The following RTL4 variants were observed in gnomAD, a reference collection of about 807,000 sequenced individuals.
The protein encoded by RTL4 is retrotransposon Gag-like protein 4.
RTL4 carries 4 observed loss-of-function variants against 5.3 expected under a neutral mutation model. The ratio of observed to expected loss-of-function variants is 0.75; its 90% confidence interval spans 0.37 to 1.72. The LOEUF is 1.72. Among genes scored for constraint, RTL4 ranks in the 40% most tolerant of loss-of-function variants. The probability of loss-of-function intolerance (pLI) is 0.04; values close to 1 mark genes in which losing one functional copy is unlikely to be tolerated. For missense variants in RTL4, 260 were observed against 227.1 expected, an observed-to-expected ratio of 1.14 and a Z score of -0.93; for synonymous variants, 98 against 87.3, an observed-to-expected ratio of 1.12 and a Z score of -0.68.
the RTL4 span, among the ~76,000 whole-genome samples, chrX:112,327,265 T>G: frequency 3.6e-5 from 4 of 111,093 alleles, no homozygotes; most frequent in Admixed American, 3.8e-4. Context: ...TGAAAAAAAT[T>G]TGGAAGAATG....
At chrX:112,389,655 T>C in the RTL4 span, among the ~76,000 whole-genome samples, 1 of 111,593 alleles carries the variant, frequency 9.0e-6, no homozygotes, top group African/African-American at 3.3e-5. Context: ...ATTTCATTAT[T>C]TACCTAAAAG....
At chrX:112,241,215 G>A in the RTL4 span, among the ~76,000 whole-genome samples, 2 of 110,840 alleles carry the variant, frequency 1.8e-5, no homozygotes, top group Admixed American at 1.9e-4. Flanking sequence ...CCCATTAATG[G>A]GATCACTGGG....
At chrX:112,379,301 G>T in the RTL4 span, among the ~76,000 whole-genome samples, 1 of 111,996 alleles carries the variant, frequency 8.9e-6, no homozygotes, top group Admixed American at 9.4e-5. Context: ...ACTGTATTGT[G>T]TTGAAACCCT....
chrX:112,173,610 G>C, the RTL4 span, among the ~76,000 whole-genome samples: 1 of 110,959 alleles, frequency 9.0e-6, no homozygotes, highest in Non-Finnish European at 1.9e-5. Context: ...GTTAAAAAAA[G>C]AGTTGTTATG....
the RTL4 span, among the ~76,000 whole-genome samples, chrX:112,260,194 TC>T: frequency 1.8e-5 from 2 of 111,471 alleles, no homozygotes; most frequent in Non-Finnish European, 3.8e-5. Flanking sequence ...ATCTAACTCA[TC>T]CATGCATATC....
the RTL4 span, among the ~76,000 whole-genome samples, chrX:112,087,069 T>C: frequency 4.5e-5 from 5 of 111,438 alleles, no homozygotes; most frequent in Non-Finnish European, 9.4e-5. Flanking sequence ...AAAGTGTAAT[T>C]GCAGAATCAT....
chrX:112,158,322 G>C, the RTL4 span, among the ~76,000 whole-genome samples: 4 of 111,205 alleles, frequency 3.6e-5, no homozygotes, highest in Non-Finnish European at 7.5e-5. Flanking sequence ...TTTTTACTGT[G>C]TAAAATGTAG....
At chrX:112,429,851 C>T in the RTL4 span, among the ~76,000 whole-genome samples, 1 of 110,861 alleles carries the variant, frequency 9.0e-6, no homozygotes. Context: ...CTGTTAACAT[C>T]TTAACTATTT....
the RTL4 span, among the ~76,000 whole-genome samples, chrX:112,335,611 T>C: frequency 9.0e-6 from 1 of 110,750 alleles, no homozygotes; most frequent in Non-Finnish European, 1.9e-5. Flanking sequence ...AGTATTCTCA[T>C]TTCCATAACT....
the RTL4 span, among the ~76,000 whole-genome samples, chrX:112,155,063 T>C: frequency 1.8e-5 from 2 of 110,864 alleles, no homozygotes; most frequent in African/African-American, 6.6e-5. Context: ...TTCAAGAAGA[T>C]GTCATCAATG....
At chrX:112,199,790 A>T in the RTL4 span, among the ~76,000 whole-genome samples, 1 of 111,997 alleles carries the variant, frequency 8.9e-6, no homozygotes, top group Non-Finnish European at 1.9e-5. Flanking sequence ...ATCAATAATG[A>T]TAGATACTTT....
chrX:112,245,755 A>G, the RTL4 span, among the ~76,000 whole-genome samples: 9 of 112,340 alleles, frequency 8.0e-5, no homozygotes, highest in South Asian at 2.6e-3. Context: ...AAGAGCTGCA[A>G]TCCTTTGGAA....
At chrX:112,098,850 G>C in the RTL4 span, among the ~76,000 whole-genome samples, 4 of 111,876 alleles carry the variant, frequency 3.6e-5, no homozygotes, top group Admixed American at 1.9e-4. Flanking sequence ...GCTGAAACTG[G>C]ATCCCTTCCT....
chrX:112,230,650 G>A, the RTL4 span, among the ~76,000 whole-genome samples: 28 of 111,988 alleles, frequency 2.5e-4, no homozygotes, highest in African/African-American at 6.5e-4. Context: ...TTCGGCCATC[G>A]TGGCTCCACT....
chrX:112,196,882 G>A, the RTL4 span, among the ~76,000 whole-genome samples: 23,766 of 109,462 alleles, frequency 0.22, 2,073 homozygotes, highest in African/African-American at 0.3. Flanking sequence ...TACTTTAGAC[G>A]CTAGTCCTTA....
the RTL4 span, among the ~76,000 whole-genome samples, chrX:112,275,734 CAG>C: frequency 9.0e-6 from 1 of 111,060 alleles, no homozygotes; most frequent in South Asian, 3.8e-4. Flanking sequence ...CCAGGAGTTT[CAG>C]ACCAGCCTGG....
At chrX:112,399,509 AGT>A in the RTL4 span, among the ~76,000 whole-genome samples, 4 of 111,275 alleles carry the variant, frequency 3.6e-5, no homozygotes, top group Non-Finnish European at 7.6e-5. Context: ...ATTTTGATAT[AGT>A]GTGTCTTGAT....
chrX:112,216,102 A>G, the RTL4 span, among the ~76,000 whole-genome samples: 1 of 111,954 alleles, frequency 8.9e-6, no homozygotes, highest in Non-Finnish European at 1.9e-5. Flanking sequence ...TAAAAATTAT[A>G]GCTTCAGAAG....
chrX:112,160,751 T>C, the RTL4 span, among the ~76,000 whole-genome samples: 9 of 111,146 alleles, frequency 8.1e-5, no homozygotes, highest in Non-Finnish European at 1.5e-4. Context: ...AAGGCAAAAC[T>C]TCAAAATGTT....
Sources: allele counts gnomAD v4.1 joint callset (sites outside exome capture counted in the v4.1 genomes callset), GRCh38; gene constraint gnomAD v4.1.1; transcripts MANE v1.5; gene names NCBI Gene and HGNC (gene_info 2026-07-23, HGNC 2026-07-21).